Variants in RORA observed in about 807,000 individuals in gnomAD.
RORA encodes nuclear receptor ROR-alpha.
Under a neutral mutation model 69.5 loss-of-function variants are expected in RORA, and 7 were observed. That is an observed-to-expected ratio of 0.10 (90% CI 0.06 to 0.19). RORA has a LOEUF of 0.19. Ranked by LOEUF, RORA falls within the 10% of genes least tolerant of loss-of-function variation. RORA has a pLI of 1.00. For synonymous variants in RORA, 261 were observed against 240.8 expected (o/e 1.08, Z -0.78); for missense variants, 457 against 663.0 (o/e 0.69, Z 3.41).
chr15:60,931,294 G>C (rs1256309005), intron 1 of RORA, among the ~76,000 whole-genome samples: 1 of 152,168 alleles, frequency 6.6e-6, no homozygotes, highest in African/African-American at 2.4e-5. Flanking sequence ...AGAAGTGAAG[G>C]GCAGCCTACA....
intron 1 of RORA, among the ~76,000 whole-genome samples, chr15:60,838,465 A>G (rs892731915): frequency 6.6e-6 from 1 of 152,192 alleles, no homozygotes; most frequent in Admixed American, 6.5e-5. Context: ...TCACCGGGCC[A>G]TGGGGCCAGC....
chr15:60,795,445 G>C (rs17204489), intron 1 of RORA, among the ~76,000 whole-genome samples: 1 of 152,174 alleles, frequency 6.6e-6, no homozygotes, highest in African/African-American at 2.4e-5. Flanking sequence ...CCCCGGGAGA[G>C]TATTTTTGAG....
intron 1 of RORA, among the ~76,000 whole-genome samples, chr15:60,921,613 A>G (rs1220312187): frequency 6.6e-6 from 1 of 152,190 alleles, no homozygotes; most frequent in Non-Finnish European, 1.5e-5. Context: ...GTGTTCACCT[A>G]CAAATTCATT....
rs554534900 is a variant in RORA at position 60,726,086 on chromosome 15, C to T, written c.167-47400G>A. On this transcript the variant is annotated intron_variant, in intron 1 of 10. Coordinates refer to ENST00000335670, the MANE Select transcript of RORA (RefSeq NM_134261.3). ...ATAACCCTCAGATGTTGACATAATG[C>T]TGCCTCCCCTTCTACCCATAATTAA... Among the ~76,000 whole-genome samples, 26 of 152,254 alleles carry T rather than the reference C, an allele frequency of 1.7e-4. No homozygotes were observed. The South Asian group carries it at 5.4e-3, about 32-fold the overall frequency.
intron 10 of RORA, 109 bp from the exon 11 acceptor site, chr15:60,497,728 T>A: frequency 1.2e-6 from 1 of 867,478 alleles, no homozygotes; most frequent in Non-Finnish European, 1.8e-6. Flanking sequence ...GAAACACACT[T>A]AAAGCAACTT....
At chr15:61,014,942 T>C (rs1486923595) in intron 1 of RORA, among the ~76,000 whole-genome samples, 3 of 152,254 alleles carry the variant, frequency 2.0e-5, no homozygotes, top group Non-Finnish European at 2.9e-5. Context: ...TGAGATATTT[T>C]ATCTGCTAAA....
At chr15:60,698,412 TAAG>T (rs2070934615) in intron 1 of RORA, among the ~76,000 whole-genome samples, 1 of 152,202 alleles carries the variant, frequency 6.6e-6, no homozygotes, top group Non-Finnish European at 1.5e-5. Context: ...ATATCTTTCT[TAAG>T]AAGGATACAT....
chr15:60,841,014 C>T (rs958400125), intron 1 of RORA: 2 of 844,480 alleles, frequency 2.4e-6, no homozygotes, highest in Non-Finnish European at 2.9e-6. Flanking sequence ...ACAACGATAC[C>T]TTACGGAAGC....
chr15:60,826,062 G>C (rs1054149112), intron 1 of RORA, among the ~76,000 whole-genome samples: 7 of 152,110 alleles, frequency 4.6e-5, no homozygotes, highest in African/African-American at 1.7e-4. Flanking sequence ...AGGGCCAATT[G>C]GTCAGACCGC....
chr15:61,127,900 C>A (rs1272778380), intron 1 of RORA, among the ~76,000 whole-genome samples: 1 of 152,098 alleles, frequency 6.6e-6, no homozygotes, highest in African/African-American at 2.4e-5. Flanking sequence ...AGCCACCGGA[C>A]CCCCACAGTT....
chr15:60,860,537 G>C (rs1426009777), intron 1 of RORA, among the ~76,000 whole-genome samples: 2 of 152,114 alleles, frequency 1.3e-5, no homozygotes, highest in Non-Finnish European at 2.9e-5. Context: ...GACTATGAAG[G>C]AACACAACAG....
intron 1 of RORA, among the ~76,000 whole-genome samples, chr15:60,710,838 A>G (rs1309401772): frequency 1.3e-5 from 2 of 151,900 alleles, no homozygotes; most frequent in East Asian, 3.8e-4. Context: ...AGGGCCCCGC[A>G]TGAAGAATCC....
chr15:60,627,253 C>T, intron 2 of RORA: 1 of 1,614,208 alleles, frequency 6.2e-7, no homozygotes, highest in Non-Finnish European at 8.5e-7. Context: ...GGCTCCTTCA[C>T]CTGCAGGTGT....
intron 1 of RORA, among the ~76,000 whole-genome samples, chr15:61,073,617 A>G (rs2140618536): frequency 1.3e-5 from 2 of 152,352 alleles, no homozygotes; most frequent in Middle Eastern, 3.4e-3. Flanking sequence ...AGAAAACCTC[A>G]GAATTCAAAT....
intron 2 of RORA, among the ~76,000 whole-genome samples, chr15:60,599,904 T>C (rs2068776372): frequency 6.6e-6 from 1 of 152,184 alleles, no homozygotes; most frequent in African/African-American, 2.4e-5. Context: ...TTACACTTAA[T>C]AAAACACATA....
At chr15:60,505,435 G>A (rs2065467015) in intron 6 of RORA, 73 bp downstream of exon 6, 5 of 1,491,136 alleles carry the variant, frequency 3.4e-6, no homozygotes, top group Non-Finnish European at 4.7e-6. Flanking sequence ...GTGAACTCTT[G>A]ACCAACTTTC....
chr15:61,192,709 C>A (rs1422580408), intron 1 of RORA, among the ~76,000 whole-genome samples: 1 of 152,248 alleles, frequency 6.6e-6, no homozygotes, highest in African/African-American at 2.4e-5. Flanking sequence ...TACCAGTACA[C>A]ATCCCAACCT....
intron 2 of RORA, among the ~76,000 whole-genome samples, chr15:60,613,440 CT>C (rs1198283429): frequency 6.6e-6 from 1 of 152,076 alleles, no homozygotes; most frequent in Non-Finnish European, 1.5e-5. Context: ...AGCTTTGAAT[CT>C]TGTCCTGTCG....
At chr15:61,056,347 AG>A (rs1449327313) in intron 1 of RORA, among the ~76,000 whole-genome samples, 1 of 152,220 alleles carries the variant, frequency 6.6e-6, no homozygotes, top group Non-Finnish European at 1.5e-5. Flanking sequence ...GTCCAAAGGC[AG>A]TTGCTCTTAA....
Sources: gnomAD v4.1 joint callset for allele counts (sites outside exome capture counted in the v4.1 genomes callset) on GRCh38, gnomAD v4.1.1 for gene constraint, MANE v1.5 for transcripts, NCBI Gene and HGNC (gene_info 2026-07-23, HGNC 2026-07-21) for gene names.